Variants in EXOC6B observed in about 807,000 individuals in gnomAD.
The protein encoded by EXOC6B is exocyst complex component 6B.
Under a neutral mutation model 113.5 loss-of-function variants are expected in EXOC6B, and 54 were observed. The ratio of observed to expected loss-of-function variants is 0.48; its 90% CI spans 0.38 to 0.60. The LOEUF (loss-of-function observed/expected upper bound fraction) is 0.60, where lower values mean the gene tolerates loss of function less well. Ranked by LOEUF, EXOC6B falls within the 20% of genes least tolerant of loss-of-function variation. EXOC6B has a pLI of 0.00. For synonymous variants in EXOC6B, 357 were observed against 339.0 expected (o/e 1.05, Z -0.58); for missense variants, 797 against 977.5 (o/e 0.82, Z 2.46).
At chr2:72,277,936 G>A (rs1166518046) in intron 20 of EXOC6B, among the ~76,000 whole-genome samples, 1 of 151,648 alleles carries the variant, frequency 6.6e-6, no homozygotes, top group East Asian at 1.9e-4. Context: ...TACTAATTTT[G>A]CTCAGTTGCA....
At chr2:72,301,531 A>T (rs899504617) in intron 20 of EXOC6B, among the ~76,000 whole-genome samples, 3 of 152,034 alleles carry the variant, frequency 2.0e-5, no homozygotes, top group Admixed American at 6.6e-5. Context: ...AGGGCTTGTT[A>T]CTGGTCTGTT....
At chr2:72,196,360 G>T (rs1679169094) in intron 20 of EXOC6B, among the ~76,000 whole-genome samples, 1 of 152,006 alleles carries the variant, frequency 6.6e-6, no homozygotes, top group African/African-American at 2.4e-5. Context: ...TATACCCTGG[G>T]TAAATTTAGA....
intron 18 of EXOC6B, among the ~76,000 whole-genome samples, chr2:72,410,934 C>A (rs562404794): frequency 6.6e-6 from 1 of 152,290 alleles, no homozygotes; most frequent in South Asian, 2.1e-4. Context: ...ACAGGTGAGG[C>A]ACAGTGACTC....
intron 19 of EXOC6B, among the ~76,000 whole-genome samples, chr2:72,346,342 T>G (rs1572946573): frequency 6.6e-6 from 1 of 152,150 alleles, no homozygotes; most frequent in Non-Finnish European, 1.5e-5. Context: ...CTGTACCATG[T>G]GCATTGAGAA....
At chr2:72,521,452 C>T (rs1701482413) in intron 8 of EXOC6B, among the ~76,000 whole-genome samples, 1 of 152,100 alleles carries the variant, frequency 6.6e-6, no homozygotes, top group Admixed American at 6.5e-5. Flanking sequence ...AGAAGGCATA[C>T]AGTGGGAAAG....
At chr2:72,561,968 G>C (rs1325622976) in intron 7 of EXOC6B, among the ~76,000 whole-genome samples, 1 of 152,102 alleles carries the variant, frequency 6.6e-6, no homozygotes, top group Non-Finnish European at 1.5e-5. Context: ...AAAGAGAAGG[G>C]AGTAAAATGG....
Position 72,217,041 on chromosome 2 carries a change from A to AG in EXOC6B, c.2197-32855_2197-32854insC, listed in dbSNP as rs1184773352. ...GCCTGGGCGACTCCATATCAAAAAA[A>AG]AAAAAAAAAGTATAGTAACCAAGGT... On this transcript the variant is annotated intron_variant, in intron 20 of 21. Transcript: ENST00000272427. Among the ~76,000 whole-genome samples, 512 of 151,890 alleles carry AG rather than the reference A, an allele frequency of 3.4e-3. 4 individuals carry two copies. The highest frequency in any genetic ancestry group is 6.0e-3 in the Non-Finnish European group (409 of 67,934).
intron 6 of EXOC6B, among the ~76,000 whole-genome samples, chr2:72,714,957 A>G (rs888369512): frequency 6.6e-6 from 1 of 152,186 alleles, no homozygotes; most frequent in Non-Finnish European, 1.5e-5. Flanking sequence ...AAAAACACAA[A>G]TGTGGACTAA....
At chr2:72,706,347 T>C (rs1236853240) in intron 6 of EXOC6B, among the ~76,000 whole-genome samples, 2 of 152,080 alleles carry the variant, frequency 1.3e-5, no homozygotes, top group African/African-American at 4.8e-5. Flanking sequence ...ACATAAGGAA[T>C]GTAATTGTCT....
chr2:72,223,427 T>C (rs1680996669), intron 20 of EXOC6B, among the ~76,000 whole-genome samples: 1 of 152,188 alleles, frequency 6.6e-6, no homozygotes, highest in Non-Finnish European at 1.5e-5. Flanking sequence ...TCCTGATGAA[T>C]AGTAGATTGC....
At chr2:72,811,004 G>T (rs1057233974) in intron 1 of EXOC6B, among the ~76,000 whole-genome samples, 3 of 151,866 alleles carry the variant, frequency 2.0e-5, no homozygotes, top group African/African-American at 7.3e-5. Context: ...TCACATCACC[G>T]CACTCTAGTC....
At chr2:72,341,997 G>C (rs1275298955) in intron 19 of EXOC6B, among the ~76,000 whole-genome samples, 2 of 151,592 alleles carry the variant, frequency 1.3e-5, no homozygotes, top group African/African-American at 4.8e-5. Flanking sequence ...AATAACCAAT[G>C]GGTCAAATAA....
At chr2:72,401,531 ATATATATATATATGTG>A in intron 18 of EXOC6B, among the ~76,000 whole-genome samples, 1 of 30,330 alleles carries the variant, frequency 3.3e-5, no homozygotes, top group African/African-American at 6.3e-4. Context: ...ATACATATAT[ATATATATATATATGTG>A]TATATATATA....
intron 6 of EXOC6B, among the ~76,000 whole-genome samples, chr2:72,594,075 G>T (rs1272362036): frequency 6.6e-6 from 1 of 152,106 alleles, no homozygotes. Context: ...TGACCTCCTG[G>T]TCTCAACTGA....
intron 19 of EXOC6B, among the ~76,000 whole-genome samples, chr2:72,368,709 C>A (rs910384675): frequency 1.3e-5 from 2 of 152,188 alleles, no homozygotes; most frequent in African/African-American, 4.8e-5. Flanking sequence ...GCTGGTCCAA[C>A]AAATGCAAAT....
chr2:72,706,724 T>C (rs1678902987), intron 6 of EXOC6B, among the ~76,000 whole-genome samples: 1 of 152,172 alleles, frequency 6.6e-6, no homozygotes, highest in Non-Finnish European at 1.5e-5. Flanking sequence ...GACTATGGCC[T>C]CGTGGAATGG....
intron 18 of EXOC6B, among the ~76,000 whole-genome samples, chr2:72,409,430 C>T (rs1057169637): frequency 2.6e-5 from 4 of 152,034 alleles, no homozygotes; most frequent in Admixed American, 6.6e-5. Flanking sequence ...ATGTTTATTG[C>T]GGTACTATTC....
chr2:72,281,616 A>G (rs1232732341), intron 20 of EXOC6B, among the ~76,000 whole-genome samples: 3 of 152,236 alleles, frequency 2.0e-5, no homozygotes, highest in Non-Finnish European at 4.4e-5. Context: ...TGAAGCGGAA[A>G]GCAAAACAAC....
At chr2:72,524,714 T>C (rs1701673320) in intron 8 of EXOC6B, among the ~76,000 whole-genome samples, 1 of 152,048 alleles carries the variant, frequency 6.6e-6, no homozygotes. Flanking sequence ...TACCAAAACA[T>C]CTCATGTACC....
Sources: allele counts gnomAD v4.1 joint callset (sites outside exome capture counted in the v4.1 genomes callset), GRCh38; gene constraint gnomAD v4.1.1; transcripts MANE v1.5; gene names NCBI Gene and HGNC (gene_info 2026-07-23, HGNC 2026-07-21).